The following ZNF385D variants were observed in gnomAD, a reference collection of about 807,000 sequenced individuals.
The protein encoded by ZNF385D is zinc finger protein 659.
A neutral mutation model predicts 35.8 loss-of-function variants in ZNF385D; 15 were observed. That is an observed-to-expected ratio of 0.42 (90% confidence interval 0.28 to 0.64). The LOEUF (loss-of-function observed/expected upper bound fraction) is 0.64. Ranked by LOEUF, ZNF385D falls within the 30% of genes least tolerant of loss-of-function variation. The pLI is 0.23. For synonymous variants in ZNF385D, 212 were observed against 186.8 expected (o/e 1.13, Z -1.10); for missense variants, 474 against 494.6 (o/e 0.96, Z 0.39).
intron 4 of ZNF385D, among the ~76,000 whole-genome samples, chr3:21,477,422 G>C (rs962396016): frequency 4.5e-4 from 68 of 152,010 alleles, no homozygotes; most frequent in African/African-American, 1.6e-3. Flanking sequence ...GCAAGATCCT[G>C]TCTCAAAAAT....
intron 4 of ZNF385D, chr3:21,443,381 A>ATG: frequency 1.0e-6 from 1 of 983,616 alleles, no homozygotes; most frequent in Non-Finnish European, 1.2e-6. Context: ...TATGGCATAT[A>ATG]GTCTCCATTT....
chr3:21,645,440 T>C lies in ZNF385D; in HGVS notation c.165+19446A>G, dbSNP rs2065722820. The stretch of plus-strand genomic sequence containing the variant: ...GCTACTGACTCCTTTAGTCTTGAAC[T>C]CTCCTAAAGGTGGGGGATCTTAACT... On this transcript the variant is annotated intron_variant, in intron 2 of 7. Transcript: ENST00000281523. Among the ~76,000 whole-genome samples, 7 of 152,180 alleles carry C rather than the reference T, an allele frequency of 4.6e-5. No individual in the cohort carries two copies. The South Asian group carries it at 1.5e-3, about 32-fold the overall frequency.
At chr3:21,831,088 T>A (rs780073300) in intron 3 of ZNF385D, among the ~76,000 whole-genome samples, 2 of 152,204 alleles carry the variant, frequency 1.3e-5, no homozygotes, top group African/African-American at 2.4e-5. Flanking sequence ...AATGTTTTCT[T>A]AGCATGTCTC....
chr3:21,590,727 A>G (rs1354593272), intron 2 of ZNF385D, among the ~76,000 whole-genome samples: 2 of 152,082 alleles, frequency 1.3e-5, no homozygotes, highest in East Asian at 1.9e-4. Context: ...TTAAACCCCA[A>G]AATTCCTATA....
At chr3:22,261,092 T>TAACC (rs562440571) in intron 2 of ZNF385D, among the ~76,000 whole-genome samples, 1 of 150,564 alleles carries the variant, frequency 6.6e-6, no homozygotes, top group Non-Finnish European at 1.5e-5. Context: ...TACAACTATC[T>TAACC]ATCCATCCAT....
chr3:21,706,054 T>G (rs181474122), intron 1 of ZNF385D, among the ~76,000 whole-genome samples: 14 of 152,322 alleles, frequency 9.2e-5, no homozygotes, highest in African/African-American at 3.4e-4. Flanking sequence ...ATGCACTACT[T>G]TGACTCCTCC....
chr3:22,154,158 G>T (rs1705437159), intron 3 of ZNF385D, among the ~76,000 whole-genome samples: 1 of 152,092 alleles, frequency 6.6e-6, no homozygotes, highest in Non-Finnish European at 1.5e-5. Context: ...CTGGGGTGTG[G>T]TTGTTTGGGT....
At chr3:21,479,007 A>T (rs1360376000) in intron 4 of ZNF385D, among the ~76,000 whole-genome samples, 1 of 151,296 alleles carries the variant, frequency 6.6e-6, no homozygotes, top group African/African-American at 2.4e-5. Flanking sequence ...AGAAATATAT[A>T]ACATGATAAA....
chr3:21,485,553 T>A (rs1200328872), intron 4 of ZNF385D, among the ~76,000 whole-genome samples: 1 of 152,142 alleles, frequency 6.6e-6, no homozygotes, highest in South Asian at 2.1e-4. Context: ...ATCATCTTCC[T>A]CTATGTTTTT....
chr3:22,211,063 A>G (rs1035784790), intron 2 of ZNF385D, among the ~76,000 whole-genome samples: 5 of 151,888 alleles, frequency 3.3e-5, no homozygotes, highest in Non-Finnish European at 7.4e-5. Context: ...AAATTCTCCA[A>G]AACTCTTTTT....
At chr3:22,039,812 T>G (rs376229974) in intron 3 of ZNF385D, among the ~76,000 whole-genome samples, 15 of 152,236 alleles carry the variant, frequency 9.9e-5, no homozygotes, top group Admixed American at 5.9e-4. Flanking sequence ...GATGTCTTTC[T>G]TCTCTTTTCT....
intron 3 of ZNF385D, among the ~76,000 whole-genome samples, chr3:22,048,424 G>T (rs1699139906): frequency 6.6e-6 from 1 of 152,164 alleles, no homozygotes; most frequent in East Asian, 1.9e-4. Flanking sequence ...TTTTTCAATG[G>T]GGTGCAAGAT....
intron 4 of ZNF385D, among the ~76,000 whole-genome samples, chr3:21,484,858 C>A (rs1177406412): frequency 6.6e-6 from 1 of 152,050 alleles, no homozygotes; most frequent in East Asian, 1.9e-4. Context: ...TTGTCTGAAC[C>A]CATTGGTACT....
In ZNF385D at chr3:21,511,006, G is replaced by A. The variant is rs1707162349; in HGVS notation, c.294C>T (p.His98=). Residue 98 remains histidine, a synonymous_variant, in exon 4 of 8, where the codon CAC becomes CAT. Transcript: ENST00000281523. The part of the protein sequence containing the change: ...RFNSDSQAAA[H]YKGTKHAKKL... ...TCTTGGCATGTTTCGTGCCTTTGTAGTGGGCCGCAGCCTGGCTCTACAAAG... is the reference window on the plus strand; with the variant it reads ...TCTTGGCATGTTTCGTGCCTTTGTAATGGGCCGCAGCCTGGCTCTACAAAG... The A allele has an allele frequency of 6.2e-7, 1 of 1,614,002 alleles. No homozygotes were observed. The highest frequency in any genetic ancestry group is 8.5e-7 in the Non-Finnish European group (1 of 1,179,968).
intron 3 of ZNF385D, among the ~76,000 whole-genome samples, chr3:21,827,254 A>T (rs1307677394): frequency 6.6e-6 from 1 of 152,208 alleles, no homozygotes. Context: ...ATTTGAAATA[A>T]ATACTACAGC....
At chr3:21,904,489 A>G (rs1699575227) in intron 3 of ZNF385D, among the ~76,000 whole-genome samples, 1 of 152,152 alleles carries the variant, frequency 6.6e-6, no homozygotes, top group Non-Finnish European at 1.5e-5. Flanking sequence ...AATATCATAC[A>G]TACTGAGATA....
At chr3:21,906,532 CTTCCT>C (rs999340331) in intron 3 of ZNF385D, among the ~76,000 whole-genome samples, 4 of 152,088 alleles carry the variant, frequency 2.6e-5, no homozygotes, top group African/African-American at 9.7e-5. Context: ...TTTGCCTCTG[CTTCCT>C]TTCATCACTT....
intron 3 of ZNF385D, among the ~76,000 whole-genome samples, chr3:22,039,940 G>A (rs1166980814): frequency 6.6e-6 from 1 of 152,222 alleles, no homozygotes; most frequent in Middle Eastern, 3.4e-3. Context: ...ATTGGATGTA[G>A]CCATTACGAT....
intron 3 of ZNF385D, among the ~76,000 whole-genome samples, chr3:21,806,502 G>C (rs907392760): frequency 6.6e-6 from 1 of 152,004 alleles, no homozygotes; most frequent in African/African-American, 2.4e-5. Context: ...ACCGCGCCTG[G>C]CCAATAGAGC....
Sources: gnomAD v4.1 joint callset for allele counts (sites outside exome capture counted in the v4.1 genomes callset) on GRCh38, gnomAD v4.1.1 for gene constraint, MANE v1.5 for transcripts, NCBI Gene and HGNC (gene_info 2026-07-23, HGNC 2026-07-21) for gene names.